C1orf185: variants seen among roughly 807,000 people sequenced by gnomAD.
C1orf185 encodes uncharacterized protein C1orf185.
In C1orf185, 13 loss-of-function variants were observed where a neutral mutation model predicts 16.1. The ratio of observed to expected loss-of-function variants is 0.81; its 90% CI spans 0.53 to 1.28. C1orf185 has a LOEUF of 1.28. Among genes scored for constraint, C1orf185 ranks in the 50% most tolerant of loss-of-function variants. The pLI is 0.00. For synonymous variants in C1orf185, 80 were observed against 76.9 expected (o/e 1.04, Z -0.21); for missense variants, 220 against 225.2 (o/e 0.98, Z 0.15).
intron 3 of C1orf185, among the ~76,000 whole-genome samples, chr1:51,121,262 C>T (rs1646195776): frequency 6.6e-6 from 1 of 152,096 alleles, no homozygotes; most frequent in African/African-American, 2.4e-5. Flanking sequence ...CTCTGTCACC[C>T]TGCCACCCCC....
At chr1:51,137,218 C>T (rs986979560) in intron 3 of C1orf185, among the ~76,000 whole-genome samples, 1 of 152,130 alleles carries the variant, frequency 6.6e-6, no homozygotes, top group African/African-American at 2.4e-5. Context: ...GATACCATCT[C>T]ACCAGTCAGA....
At chr1:51,112,780 T>A (rs1007893530) in intron 2 of C1orf185, among the ~76,000 whole-genome samples, 1 of 151,986 alleles carries the variant, frequency 6.6e-6, no homozygotes, top group African/African-American at 2.4e-5. Flanking sequence ...GTTCATGCAT[T>A]AAAATTTTGA....
chr1:51,114,200 C>T (rs1646142203), intron 2 of C1orf185, among the ~76,000 whole-genome samples: 1 of 152,272 alleles, frequency 6.6e-6, no homozygotes, highest in African/African-American at 2.4e-5. Context: ...GGGAAACAAT[C>T]ATGAAATTGA....
chr1:51,123,934 C>G (rs1271030024), intron 3 of C1orf185, among the ~76,000 whole-genome samples: 6 of 151,282 alleles, frequency 4.0e-5, no homozygotes, highest in African/African-American at 1.2e-4. Context: ...TTTATACACA[C>G]ATGTATATAT....
intron 2 of C1orf185, among the ~76,000 whole-genome samples, chr1:51,115,720 A>G (rs1646152668): frequency 6.6e-6 from 1 of 152,160 alleles, no homozygotes; most frequent in African/African-American, 2.4e-5. Flanking sequence ...TGTCTCTATG[A>G]AGCCTGAATT....
At chr1:51,111,732 C>G (rs1350814657) in intron 1 of C1orf185, among the ~76,000 whole-genome samples, 1 of 152,206 alleles carries the variant, frequency 6.6e-6, no homozygotes, top group Non-Finnish European at 1.5e-5. Flanking sequence ...GTTAGCCAGG[C>G]TGGTCTCGAA....
chr1:51,145,774 A>G lies in C1orf185; in HGVS notation c.295+14A>G. ...CACATATAAAAGGTATTTTTTCTCA[A>G]TAATTTATTAGAAGAAATCTTAATG... On this transcript the variant is annotated intron_variant, in intron 4 of 4. Transcript: ENST00000371759. 1 of 1,266,306 alleles carries G rather than the reference A, an allele frequency of 7.9e-7. No homozygotes were observed. Among genetic ancestry groups the G allele is most frequent in the Non-Finnish European group, 1.1e-6 (1 of 928,556 alleles). The allele number at this position is 1,266,306 out of a possible 1,614,324, so 78.4% of individuals were successfully genotyped here.
At chr1:51,138,388 T>C (rs1279287844) in intron 3 of C1orf185, among the ~76,000 whole-genome samples, 1 of 152,218 alleles carries the variant, frequency 6.6e-6, no homozygotes, top group Non-Finnish European at 1.5e-5. Context: ...ACCATTCATC[T>C]TCAGAATTTG....
chr1:51,148,022 A>T lies in C1orf185; in HGVS notation c.*251A>T. 2.9e-6 allele frequency: 1 copy of T among 343,510 alleles called. No individual in the cohort carries two copies. The highest frequency in any genetic ancestry group is 5.3e-6 in the Non-Finnish European group (1 of 190,238). 21.3% of individuals were successfully genotyped at this position (343,510 alleles called of 1,614,324 possible). A position where few individuals can be genotyped will look rare whatever the true frequency, so the allele number is the denominator to read the frequency against. ...GAAGAACTAGAGTGATGTCATGAAC[A>T]TTAAGCTTAACTTATTGTATCTCAT... On this transcript the variant is annotated 3_prime_UTR_variant, in exon 5 of 5. Coordinates refer to ENST00000371759, the MANE Select transcript of C1orf185 (RefSeq NM_001136508.2).
intron 3 of C1orf185, among the ~76,000 whole-genome samples, chr1:51,132,563 G>A (rs1014628917): frequency 2.4e-4 from 36 of 152,082 alleles, no homozygotes; most frequent in African/African-American, 8.7e-4. Context: ...GAAAAAGAAT[G>A]AATAAAACTT....
At chr1:51,113,445 A>C (rs1646137351) in intron 2 of C1orf185, among the ~76,000 whole-genome samples, 1 of 151,898 alleles carries the variant, frequency 6.6e-6, no homozygotes, top group South Asian at 2.1e-4. Flanking sequence ...GCACTTTGGG[A>C]GGCCAAAGCG....
chr1:51,147,808 A>G lies in C1orf185; in HGVS notation c.*37A>G, dbSNP rs1016673057. On this transcript the variant is annotated 3_prime_UTR_variant, in exon 5 of 5. Transcript: ENST00000371759. The stretch of plus-strand genomic sequence containing the variant: ...ATGACTACATTAAGGGAAAATGTTC[A>G]TGAAGAAACACAGAGGTTGAAATAT... The G allele has an allele frequency of 6.3e-6, 9 of 1,424,164 alleles. No individual in the cohort carries two copies. Among genetic ancestry groups the G allele is most frequent in the South Asian group, 1.5e-5 (1 of 68,578 alleles). The allele number at this position is 1,424,164 out of a possible 1,614,324, so 88.2% of individuals were successfully genotyped here. A position where few individuals can be genotyped will look rare whatever the true frequency, so the allele number is the denominator to read the frequency against.
intron 1 of C1orf185, among the ~76,000 whole-genome samples, chr1:51,105,844 C>A (rs995902694): frequency 1.2e-4 from 19 of 152,146 alleles, no homozygotes; most frequent in South Asian, 4.1e-4. Flanking sequence ...ACTTAGTGAT[C>A]ACACAGTCAA....
At chr1:51,119,190 C>G (rs886105083) in intron 3 of C1orf185, among the ~76,000 whole-genome samples, 1 of 152,206 alleles carries the variant, frequency 6.6e-6, no homozygotes, top group African/African-American at 2.4e-5. Context: ...TGTACTAAGC[C>G]TTTACTATAT....
intron 1 of C1orf185, among the ~76,000 whole-genome samples, chr1:51,109,128 G>A (rs1208739253): frequency 6.6e-6 from 1 of 152,130 alleles, no homozygotes; most frequent in Non-Finnish European, 1.5e-5. Flanking sequence ...ACTAGGGTAA[G>A]ATAATATCTC....
At chr1:51,102,452 A>G (rs12076395) in intron 1 of C1orf185, 33,529 of 409,882 alleles carry the variant, frequency 0.082, 2,463 homozygotes, top group African/African-American at 0.26. Context: ...TACTGATTCA[A>G]TTTAACGGAT....
chr1:51,109,371 G>A (rs988988609), intron 1 of C1orf185, among the ~76,000 whole-genome samples: 5 of 151,998 alleles, frequency 3.3e-5, no homozygotes, highest in Non-Finnish European at 5.9e-5. Context: ...TTGTCTCTTC[G>A]CTTTGTTGGT....
Position 51,133,325 on chromosome 1 carries a change from A to G in C1orf185, c.259-12399A>G, listed in dbSNP as rs192469523. On this transcript the variant is annotated intron_variant, in intron 3 of 4. Transcript: ENST00000371759. The stretch of plus-strand genomic sequence containing the variant: ...CTTCAAGAGACCTATCTCACATGCA[A>G]CAATACACAGGCTCAAAATAAAGGA... Among the ~76,000 whole-genome samples the G allele has an allele frequency of 3.4e-4, 52 of 152,320 alleles. 1 individual carries two copies. In the East Asian group the frequency reaches 7.5e-3, roughly 22 times the overall value.
rs907265378 is a variant in C1orf185 at position 51,141,209 on chromosome 1, G to A, written c.259-4515G>A. Among the ~76,000 whole-genome samples the A allele has an allele frequency of 1.1e-4, 16 of 152,302 alleles. 1 individual carries two copies. Among genetic ancestry groups the A allele is most frequent in the South Asian group, 4.1e-4 (2 of 4,826 alleles). On this transcript the variant is annotated intron_variant, in intron 3 of 4. Coordinates refer to ENST00000371759, the MANE Select transcript of C1orf185 (RefSeq NM_001136508.2). ...TACAGTGATATTAAGAAGAGATAAG[G>A]CCAGGGATGGTGGCTTATGTCTATA...
Sources: allele counts gnomAD v4.1 joint callset (sites outside exome capture counted in the v4.1 genomes callset), GRCh38; gene constraint gnomAD v4.1.1; transcripts MANE v1.5; gene names NCBI Gene and HGNC (gene_info 2026-07-23, HGNC 2026-07-21).